Variants in PDZD8 observed in about 807,000 individuals in gnomAD.
PDZD8 encodes PDZ domain containing 8.
A neutral mutation model predicts 85.8 loss-of-function variants in PDZD8; 14 were observed. That is an observed-to-expected ratio of 0.16 (90% CI 0.11 to 0.26). PDZD8 has a LOEUF of 0.26. PDZD8 is among the 10% of genes least tolerant of loss of function. The pLI is 1.00. For synonymous variants in PDZD8, 592 were observed against 568.6 expected (o/e 1.04, Z -0.59); for missense variants, 1,197 against 1,424.3 (o/e 0.84, Z 2.57).
At chr10:117,286,740 A>T (rs570162594) in intron 4 of PDZD8, among the ~76,000 whole-genome samples, 23 of 152,118 alleles carry the variant, frequency 1.5e-4, no homozygotes, top group African/African-American at 5.5e-4. Flanking sequence ...CTTCTATCCA[A>T]CCCTGTGTCT....
rs1224271129 is a variant in PDZD8, at chr10:117,277,622, A to G, written c.*5646T>C. Reference sequence around the variant, plus strand: ...TAACAAACATTTGGGCAAAAATCATATTGGTAATGAGTGTTTAAAATTAAA... The same window carrying G: ...TAACAAACATTTGGGCAAAAATCATGTTGGTAATGAGTGTTTAAAATTAAA... On this transcript the variant is annotated 3_prime_UTR_variant, in exon 5 of 5. Coordinates refer to ENST00000334464, the MANE Select transcript of PDZD8 (RefSeq NM_173791.5). 1.3e-5 allele frequency: 2 copies of G among 156,218 alleles called. No homozygotes were observed. The highest frequency in any genetic ancestry group is 6.5e-5 in the Admixed American group (1 of 15,438). 9.7% of individuals were successfully genotyped at this position (156,218 alleles called of 1,614,324 possible). A position where few individuals can be genotyped will look rare whatever the true frequency, so the allele number is the denominator to read the frequency against.
At chr10:117,330,261 C>T (rs1033613071) in intron 2 of PDZD8, among the ~76,000 whole-genome samples, 2 of 151,942 alleles carry the variant, frequency 1.3e-5, no homozygotes, top group Admixed American at 1.3e-4. Flanking sequence ...TCACGACTTC[C>T]AAATCTAATC....
At chr10:117,326,008 C>T (rs887758060) in intron 2 of PDZD8, among the ~76,000 whole-genome samples, 10 of 152,116 alleles carry the variant, frequency 6.6e-5, no homozygotes, top group South Asian at 2.1e-4. Flanking sequence ...TTCCCCTGCT[C>T]GCACTCAATC....
At chr10:117,340,846 TA>T in intron 2 of PDZD8, 133 bp downstream of exon 2, 1 of 1,040,256 alleles carries the variant, frequency 9.6e-7, no homozygotes, top group Non-Finnish European at 1.3e-6. Context: ...ACTTTTATGA[TA>T]TTAAATTTAC....
chr10:117,308,851 G>A (rs1364897638), intron 3 of PDZD8, among the ~76,000 whole-genome samples: 2 of 152,036 alleles, frequency 1.3e-5, no homozygotes, highest in Non-Finnish European at 2.9e-5. Context: ...AGGATTAAAT[G>A]GTTAATGCAT....
At chr10:117,299,197 T>C (rs995703687) in intron 3 of PDZD8, among the ~76,000 whole-genome samples, 5 of 152,212 alleles carry the variant, frequency 3.3e-5, no homozygotes, top group African/African-American at 1.2e-4. Context: ...TGCCACCATC[T>C]ACAAATTTAA....
intron 2 of PDZD8, among the ~76,000 whole-genome samples, chr10:117,339,521 G>A (rs1844574114): frequency 1.3e-5 from 2 of 152,208 alleles, no homozygotes; most frequent in Admixed American, 1.3e-4. Context: ...TCTAAATTCA[G>A]TCCACTGCCT....
chr10:117,335,608 A>C (rs1844502983), intron 2 of PDZD8, among the ~76,000 whole-genome samples: 1 of 152,190 alleles, frequency 6.6e-6, no homozygotes, highest in African/African-American at 2.4e-5. Context: ...GTAAGGATGA[A>C]GAAAAGTAGG....
At chr10:117,360,348 C>T (rs1314740577) in intron 1 of PDZD8, among the ~76,000 whole-genome samples, 1 of 151,408 alleles carries the variant, frequency 6.6e-6, no homozygotes, top group African/African-American at 2.5e-5. Flanking sequence ...ATGTAAGGGT[C>T]CCTTACCATG....
Position 117,374,321 on chromosome 10 carries a change from C to CG in PDZD8, c.872+34dup. The CG allele has an allele frequency of 6.2e-7, 1 of 1,602,350 alleles. No homozygotes were observed. Among genetic ancestry groups the CG allele is most frequent in the Non-Finnish European group, 8.5e-7 (1 of 1,172,794 alleles). On this transcript the variant is annotated intron_variant, in intron 1 of 4. Coordinates refer to ENST00000334464, the MANE Select transcript of PDZD8 (RefSeq NM_173791.5). The surrounding 1 kb of genome is among the most constrained non-coding windows in gnomAD (Gnocchi z 7.8). Reference sequence around the variant, plus strand: ...AGCGTCCCGCCCAGGCCCGGGTTCCCGGCAGCCAGGCCCCCTCCCCGACCT... The same window carrying CG: ...AGCGTCCCGCCCAGGCCCGGGTTCCCGGGCAGCCAGGCCCCCTCCCCGACCT...
intron 1 of PDZD8, among the ~76,000 whole-genome samples, chr10:117,351,977 C>T (rs1385007870): frequency 3.9e-5 from 6 of 152,236 alleles, no homozygotes; most frequent in Admixed American, 2.6e-4. Flanking sequence ...CTATACTTGG[C>T]GTGTTTAATT....
At chr10:117,305,471 TACACACACACACACACACACACACAC>T (rs57037106) in intron 3 of PDZD8, among the ~76,000 whole-genome samples, 10 of 141,764 alleles carry the variant, frequency 7.1e-5, no homozygotes, top group Non-Finnish European at 1.4e-4. Flanking sequence ...TACACACACA[TACACACACACACACACACACACACAC>T]ACACACACAC....
chr10:117,323,627 T>C (rs1844264687), intron 2 of PDZD8, among the ~76,000 whole-genome samples: 1 of 152,076 alleles, frequency 6.6e-6, no homozygotes, highest in African/African-American at 2.4e-5. Context: ...ACTAATACAC[T>C]TTGTTGAAAG....
chr10:117,333,952 A>C (rs1412728240), intron 2 of PDZD8, among the ~76,000 whole-genome samples: 2 of 152,192 alleles, frequency 1.3e-5, no homozygotes, highest in African/African-American at 2.4e-5. Context: ...GAGTCTCCCC[A>C]AAACCCCCCC....
intron 3 of PDZD8, among the ~76,000 whole-genome samples, chr10:117,315,235 G>A (rs1199765460): frequency 6.6e-6 from 1 of 152,122 alleles, no homozygotes; most frequent in Admixed American, 6.6e-5. Flanking sequence ...GATACAGAAG[G>A]CACAGGCAGA....
chr10:117,286,545 T>C (rs1844667842), intron 4 of PDZD8, among the ~76,000 whole-genome samples: 1 of 152,254 alleles, frequency 6.6e-6, no homozygotes, highest in African/African-American at 2.4e-5. Context: ...GATCAGGCTT[T>C]AGACTCGGTC....
chr10:117,309,680 C>A (rs1039889913), intron 3 of PDZD8, among the ~76,000 whole-genome samples: 4 of 152,106 alleles, frequency 2.6e-5, no homozygotes, highest in African/African-American at 9.7e-5. Context: ...CAGGTCTTTA[C>A]CCTATCAAAT....
chr10:117,371,912 C>T (rs1845200326), intron 1 of PDZD8, among the ~76,000 whole-genome samples: 1 of 152,120 alleles, frequency 6.6e-6, no homozygotes, highest in Non-Finnish European at 1.5e-5. Context: ...CACTGTACTC[C>T]AGCTCTGGGC....
intron 3 of PDZD8, among the ~76,000 whole-genome samples, chr10:117,296,507 C>G (rs1273233518): frequency 6.6e-6 from 1 of 152,042 alleles, no homozygotes; most frequent in Non-Finnish European, 1.5e-5. Context: ...CCAAGAACAG[C>G]CAAAACACTC....
Sources: allele counts gnomAD v4.1 joint callset (sites outside exome capture counted in the v4.1 genomes callset), GRCh38; gene constraint gnomAD v4.1.1; non-coding constraint Gnocchi (gnomAD v3.1); transcripts MANE v1.5; gene names NCBI Gene and HGNC (gene_info 2026-07-23, HGNC 2026-07-21).